CASP2: variants seen among roughly 807,000 people sequenced by gnomAD.
The protein encoded by CASP2 is caspase 2.
In CASP2, 38 loss-of-function variants were observed where a neutral mutation model predicts 54.4. That is an observed-to-expected ratio of 0.70 (90% CI 0.54 to 0.92). CASP2 has a LOEUF of 0.92. Among genes scored for constraint, CASP2 ranks in the 40% least tolerant of loss-of-function variants. CASP2 has a pLI of 0.00. For missense variants in CASP2, 512 were observed against 579.6 expected, an observed-to-expected ratio of 0.88 and a Z score of 1.20; for synonymous variants, 215 against 216.3, an observed-to-expected ratio of 0.99 and a Z score of 0.05.
chr7:143,294,451 A>G, intron 5 of CASP2, 127 bp downstream of exon 5: 1 of 1,032,746 alleles, frequency 9.7e-7, no homozygotes, highest in Non-Finnish European at 1.5e-6. Flanking sequence ...TACTGGTTAA[A>G]TGCCTTCTGT....
chr7:143,293,855 T>C (rs1801663553), intron 4 of CASP2, among the ~76,000 whole-genome samples: 1 of 152,158 alleles, frequency 6.6e-6, no homozygotes. Flanking sequence ...TTGTGATAAT[T>C]GGGCCTTTGA....
Position 143,294,264 on chromosome 7 carries a change from T to A in CASP2, c.510T>A (p.Gly170=). ...TVEHSLDNKD[G]PVCLQVKPCT... is the part of the protein sequence containing the mutation. ...AACACTCCCTAGACAATAAAGATGGTCCTGTCTGCCTTCAGGTGAAGCCTT... is the reference window on the plus strand; with the variant it reads ...AACACTCCCTAGACAATAAAGATGGACCTGTCTGCCTTCAGGTGAAGCCTT... The change falls in exon 5 of 11, where the codon GGT becomes GGA. Residue 170 remains glycine, a synonymous_variant. Transcript: ENST00000310447. 6.2e-7 allele frequency: 1 copy of A among 1,612,502 alleles called. No individual in the cohort carries two copies. The highest frequency in any genetic ancestry group is 8.5e-7 in the Non-Finnish European group (1 of 1,178,548).
intron 6 of CASP2, 100 bp downstream of exon 6, chr7:143,294,873 A>G: frequency 1.8e-6 from 2 of 1,102,952 alleles, no homozygotes; most frequent in South Asian, 1.3e-5. Flanking sequence ...GATATGTCTT[A>G]AAAGTTGGTT....
Position 143,292,308 on chromosome 7 carries a change from G to A in CASP2, c.234G>A (p.Val78=). Residue 78 remains valine, a synonymous_variant, in exon 3 of 11, where the codon GTG becomes GTA. Coordinates refer to ENST00000310447, the MANE Select transcript of CASP2 (RefSeq NM_032982.4). ...TTATTCTTGTGTCTTAGGCCAAAGT[G>A]GGCAGTTTCAGCCAGAATGTGGAAC... ...LEMRELIQAK[V]GSFSQNVELL... 1 of 1,614,132 alleles carries A rather than the reference G, an allele frequency of 6.2e-7. No individual in the cohort carries two copies. The highest frequency in any genetic ancestry group is 8.5e-7 in the Non-Finnish European group (1 of 1,180,012).
rs1279336395 is a variant in CASP2 at position 143,294,776 on chromosome 7, A to AC, written c.747+5dup. ...TTCTATGTGACCAGACTGCACAGGT[A>AC]CCTGAGGTGGGAAAAATTGACATGT... On this transcript the variant is annotated splice_donor_region_variant and intron_variant, in intron 6 of 10. Transcript: ENST00000310447. 6.2e-7 allele frequency: 1 copy of AC among 1,613,438 alleles called. No homozygotes were observed. The highest frequency in any genetic ancestry group is 1.7e-5 in the Admixed American group (1 of 59,910).
Position 143,294,582 on chromosome 7 carries a change from G to C in CASP2, c.571-15G>C, listed in dbSNP as rs1468442172. ...TATCAAGACGCTCATGGTCTAACTG[G>C]CCTCTCCTCCACAGGCATATAGGTT... On this transcript the variant is annotated splice_polypyrimidine_tract_variant and intron_variant, in intron 5 of 10. Transcript: ENST00000310447. The C allele has an allele frequency of 1.9e-6, 3 of 1,612,988 alleles. No homozygotes were observed. Among genetic ancestry groups the C allele is most frequent in the Admixed American group, 3.3e-5 (2 of 60,016 alleles).
rs550407793 is a variant in CASP2 at position 143,293,182 on chromosome 7, C to T, written c.475+484C>T. The T allele has an allele frequency of 2.1e-5, 14 of 651,692 alleles. No individual in the cohort carries two copies. In the South Asian group the frequency reaches 2.4e-4, roughly 11 times the overall value. 40.4% of individuals were successfully genotyped at this position (651,692 alleles called of 1,614,324 possible). On this transcript the variant is annotated intron_variant, in intron 4 of 10. Transcript: ENST00000310447. ...TTGTTCTGTCACCCAGGCTGGAATG[C>T]AGTGACACCACCATAGCTCACTGCA... is the stretch of plus-strand genomic sequence containing the variant.
intron 6 of CASP2, chr7:143,298,724 G>A (rs182586657): frequency 3.6e-4 from 54 of 152,050 alleles, no homozygotes; most frequent in African/African-American, 1.3e-3. Context: ...AAATGGAGCA[G>A]GTGAAAACTC....
At position 143,303,895 on chromosome 7, in the gene CASP2, C is replaced by T. The variant is rs746122156; in HGVS notation, c.1079C>T (p.Thr360Met). 3.0e-5 allele frequency: 49 copies of T among 1,610,558 alleles called. No homozygotes were observed. Among genetic ancestry groups the T allele is most frequent in the African/African-American group, 5.3e-5 (4 of 74,844 alleles). ...KEKLPKMRLP[T>M]RSDMICGYAC... ...AAGTTGCCGAAGATGAGACTGCCCA[C>T]GCGCTCAGACATGATATGCGGCTAT... The change falls in exon 9 of 11, where the codon ACG becomes ATG. Residue 360 changes from threonine (T) to methionine (M), a missense_variant. By Grantham distance (81) the Thr-to-Met change is moderately conservative (BLOSUM62 -1). Around this residue, in one of 3 missense-constraint regions of CASP2, gnomAD observed 417 missense variants for 495.4 expected, o/e 0.84. Transcript: ENST00000310447.
At chr7:143,294,989 G>T (rs1304784207) in intron 6 of CASP2, among the ~76,000 whole-genome samples, 2 of 151,332 alleles carry the variant, frequency 1.3e-5, no homozygotes, top group African/African-American at 4.9e-5. Context: ...CTCAGGTTGT[G>T]GTTTCATAAA....
intron 4 of CASP2, chr7:143,293,145 A>G: frequency 1.7e-6 from 1 of 590,388 alleles, no homozygotes; most frequent in Non-Finnish European, 2.9e-6. Context: ...GTTTTTTTTC[A>G]GAAATAGGGT....
intron 5 of CASP2, 106 bp from the exon 6 acceptor site, chr7:143,294,491 G>T: frequency 4.9e-6 from 6 of 1,222,666 alleles, no homozygotes; most frequent in South Asian, 2.4e-5. Flanking sequence ...CCTGCTGGAG[G>T]TTAAGAAGAA....
intron 6 of CASP2, among the ~76,000 whole-genome samples, chr7:143,295,081 G>A (rs1382663900): frequency 6.6e-5 from 10 of 151,580 alleles, no homozygotes; most frequent in Non-Finnish European, 1.5e-4. Flanking sequence ...AGGCTGGAGT[G>A]CAATGGCACG....
intron 8 of CASP2, chr7:143,301,309 A>G (rs756038960): frequency 4.6e-5 from 7 of 152,078 alleles, no homozygotes; most frequent in African/African-American, 9.7e-5. Context: ...AATAGCTAAT[A>G]TTATTGTCAT....
At chr7:143,291,412 A>C in intron 1 of CASP2, 128 bp from the exon 2 acceptor site, 1 of 920,614 alleles carries the variant, frequency 1.1e-6, no homozygotes, top group South Asian at 1.3e-5. Flanking sequence ...ACCAGATTTA[A>C]GAAATATGCA....
chr7:143,305,139 A>G lies in CASP2; in HGVS notation c.*68A>G. 1 of 1,587,684 alleles carries G rather than the reference A, an allele frequency of 6.3e-7. No homozygotes were observed. The highest frequency in any genetic ancestry group is 8.6e-7 in the Non-Finnish European group (1 of 1,156,918). ...CACAGGAGGTGTGATAGAGCCTTTG[A>G]TCTTCAGGATGCACGGTTTCTGTTC... On this transcript the variant is annotated 3_prime_UTR_variant, in exon 11 of 11. Transcript: ENST00000310447.
In CASP2 at chr7:143,292,429, C is replaced by G. The variant is rs570907619; in HGVS notation, c.355C>G (p.Leu119Val). ...GCAAGGCCACCTGGAGGATATGTTG[C>G]TCACCACCCTTTCTGGGCTTCAGCA... ...TKQGHLEDML[L>V]TTLSGLQHVL... Residue 119 changes from leucine (L) to valine (V), a missense_variant, in exon 3 of 11, where the codon CTC becomes GTC. Physicochemically the swap from Leu to Val is conservative, Grantham distance 32 (BLOSUM62 1). Coordinates refer to ENST00000310447, the MANE Select transcript of CASP2 (RefSeq NM_032982.4). 1 of 1,614,156 alleles carries G rather than the reference C, an allele frequency of 6.2e-7. No homozygotes were observed. The highest frequency in any genetic ancestry group is 8.5e-7 in the Non-Finnish European group (1 of 1,180,036).
rs1802037604 is a variant in CASP2 at position 143,305,458 on chromosome 7, T to C, written c.*387T>C. On this transcript the variant is annotated 3_prime_UTR_variant, in exon 11 of 11. Coordinates refer to ENST00000310447, the MANE Select transcript of CASP2 (RefSeq NM_032982.4). ...ATTGCTTTTATTACATTAGTTAAGA[T>C]GTCTGAGAGACCATCTCCTATCTTT... The C allele has an allele frequency of 6.0e-6, 2 of 331,776 alleles. No individual in the cohort carries two copies. Among genetic ancestry groups the C allele is most frequent in the Admixed American group, 8.4e-5 (2 of 23,736 alleles). The allele number at this position is 331,776 out of a possible 1,614,324, so 20.6% of individuals were successfully genotyped here.
At chr7:143,292,186 CT>C in intron 2 of CASP2, 113 bp from the exon 3 acceptor site, 1 of 1,050,414 alleles carries the variant, frequency 9.5e-7, no homozygotes, top group Non-Finnish European at 1.4e-6. Context: ...CATACATACA[CT>C]TTTCCTGTAA....
Sources: gnomAD v4.1 joint callset for allele counts (sites outside exome capture counted in the v4.1 genomes callset) on GRCh38, gnomAD v4.1.1 for gene constraint, gnomAD v4.1.1 regional missense constraint, MANE v1.5 for transcripts, NCBI Gene and HGNC (gene_info 2026-07-23, HGNC 2026-07-21) for gene names.